Variants in SMG6 observed in about 807,000 individuals in gnomAD.
SMG6 encodes the protein telomerase-binding protein EST1A.
A neutral mutation model predicts 142.2 loss-of-function variants in SMG6; 66 were observed. The ratio of observed to expected loss-of-function variants is 0.46; its 90% CI spans 0.38 to 0.57. The LOEUF is 0.57. SMG6 is among the 20% of genes least tolerant of loss of function. The pLI is 0.00. For synonymous variants in SMG6, 779 were observed against 702.4 expected (o/e 1.11, Z -1.72); for missense variants, 1,793 against 1,832.0 (o/e 0.98, Z 0.39).
chr17:2,146,375 C>T (rs2070669678), intron 13 of SMG6, among the ~76,000 whole-genome samples: 1 of 152,136 alleles, frequency 6.6e-6, no homozygotes, highest in African/African-American at 2.4e-5. Context: ...AGGAGGCAAC[C>T]CCATACTGGG....
chr17:2,095,797 C>G (rs1421735874), intron 13 of SMG6, among the ~76,000 whole-genome samples: 2 of 152,130 alleles, frequency 1.3e-5, no homozygotes, highest in Non-Finnish European at 2.9e-5. Context: ...TTGGGCTTAG[C>G]CTTGCTATCA....
chr17:2,147,204 C>G (rs2070695931), intron 13 of SMG6, among the ~76,000 whole-genome samples: 1 of 151,944 alleles, frequency 6.6e-6, no homozygotes, highest in Non-Finnish European at 1.5e-5. Context: ...ACCAGCCTGG[C>G]CAACATGGTG....
At chr17:2,292,801 T>C (rs2075067579) in intron 5 of SMG6, 70 bp downstream of exon 5, 2 of 1,466,132 alleles carry the variant, frequency 1.4e-6, no homozygotes, top group East Asian at 4.5e-5. Flanking sequence ...CCACATGGCC[T>C]ACTGCTCTTA....
intron 8 of SMG6, among the ~76,000 whole-genome samples, chr17:2,281,844 C>T (rs529737482): frequency 2.0e-5 from 3 of 152,302 alleles, no homozygotes; most frequent in East Asian, 3.9e-4. Context: ...CTCTCTCCCC[C>T]AGCCAGCCTC....
intron 13 of SMG6, among the ~76,000 whole-genome samples, chr17:2,093,219 G>A: frequency 6.7e-6 from 1 of 150,164 alleles, no homozygotes; most frequent in East Asian, 1.9e-4. Context: ...GATAAGACAA[G>A]CCTGGGCAAC....
intron 6 of SMG6, 66 bp from the exon 7 acceptor site, chr17:2,283,801 G>A: frequency 7.8e-7 from 1 of 1,275,022 alleles, no homozygotes; most frequent in South Asian, 1.2e-5. Flanking sequence ...AGAGGCAGCT[G>A]ACTCAGGAAA....
At chr17:2,119,204 T>C (rs1222235490) in intron 13 of SMG6, among the ~76,000 whole-genome samples, 2 of 151,912 alleles carry the variant, frequency 1.3e-5, no homozygotes, top group East Asian at 3.9e-4. Flanking sequence ...ATTATAGGCA[T>C]GTGCCACCAC....
At chr17:2,244,917 A>G (rs1330225605) in intron 8 of SMG6, 198 bp from the exon 9 acceptor site, 3 of 587,568 alleles carry the variant, frequency 5.1e-6, no homozygotes, top group Admixed American at 2.9e-5. Context: ...AGCCAAGATG[A>G]CAACAGGCTC....
At chr17:2,073,212 T>C (rs2068156603) in intron 15 of SMG6, among the ~76,000 whole-genome samples, 1 of 151,934 alleles carries the variant, frequency 6.6e-6, no homozygotes, top group African/African-American at 2.4e-5. Flanking sequence ...GCCTCCCAAG[T>C]AGCTGGGATT....
At chr17:2,130,763 T>C (rs2151545963) in intron 13 of SMG6, among the ~76,000 whole-genome samples, 1 of 149,722 alleles carries the variant, frequency 6.7e-6, no homozygotes, top group South Asian at 2.1e-4. Flanking sequence ...AAAAAAAACA[T>C]CAAATAGGCC....
intron 13 of SMG6, chr17:2,122,489 C>T (rs2069734077): frequency 6.6e-6 from 1 of 152,224 alleles, no homozygotes; most frequent in South Asian, 2.1e-4. Flanking sequence ...CTTCAGCTTG[C>T]TGTGTCCTAA....
chr17:2,138,319 G>A (rs2151566288), intron 13 of SMG6, among the ~76,000 whole-genome samples: 1 of 152,266 alleles, frequency 6.6e-6, no homozygotes, highest in Non-Finnish European at 1.5e-5. Context: ...AAAGAAGCCT[G>A]TCCCCCATCT....
Position 2,173,085 on chromosome 17 carries a change from T to G in SMG6, c.3156-226A>C, listed in dbSNP as rs1375037166. On this transcript the variant is annotated intron_variant, in intron 12 of 18. Transcript: ENST00000263073. Reference sequence around the variant, plus strand: ...AAAGTTGAAATTGATTAGGGGGAGTTTTTAATCCTCACCAGAGAGGAAAAA... The same window carrying G: ...AAAGTTGAAATTGATTAGGGGGAGTGTTTAATCCTCACCAGAGAGGAAAAA... 3 of 556,578 alleles carry G rather than the reference T, an allele frequency of 5.4e-6. No individual in the cohort carries two copies. In the African/African-American group the frequency reaches 5.7e-5, roughly 11 times the overall value. The allele number at this position is 556,578 out of a possible 1,614,324, so 34.5% of individuals were successfully genotyped here.
intron 10 of SMG6, chr17:2,235,882 A>G (rs2073637173): frequency 6.6e-6 from 1 of 151,528 alleles, no homozygotes; most frequent in South Asian, 2.1e-4. Flanking sequence ...CACCCACCCG[A>G]CCCCCTATGA....
intron 4 of SMG6, among the ~76,000 whole-genome samples, chr17:2,296,025 T>C (rs1192339933): frequency 2.0e-5 from 3 of 152,100 alleles, no homozygotes; most frequent in African/African-American, 7.2e-5. Context: ...GACTCCTCTA[T>C]CTCCACTCTT....
chr17:2,300,727 A>AG (rs772305768), intron 1 of SMG6, 63 bp from the exon 2 acceptor site: 29 of 1,423,882 alleles, frequency 2.0e-5, no homozygotes, highest in Non-Finnish European at 2.5e-5. Context: ...GAAGGAAGAT[A>AG]GGGGAAAGAC....
At chr17:2,132,882 A>C (rs561169945) in intron 13 of SMG6, among the ~76,000 whole-genome samples, 18 of 152,296 alleles carry the variant, frequency 1.2e-4, no homozygotes, top group Non-Finnish European at 2.5e-4. Flanking sequence ...TCCCAGGCTC[A>C]AGCAATGTCC....
chr17:2,082,129 A>G, intron 14 of SMG6, 173 bp from the exon 15 acceptor site: 2 of 620,396 alleles, frequency 3.2e-6, no homozygotes, highest in East Asian at 5.5e-5. Context: ...AGGTTGACAA[A>G]AGCTGTCACT....
At chr17:2,072,202 G>T (rs2068122984) in intron 15 of SMG6, among the ~76,000 whole-genome samples, 1 of 152,108 alleles carries the variant, frequency 6.6e-6, no homozygotes, top group Admixed American at 6.5e-5. Flanking sequence ...GGTGCAACCG[G>T]AATGCTGTGG....
Sources: allele counts gnomAD v4.1 joint callset (sites outside exome capture counted in the v4.1 genomes callset), GRCh38; gene constraint gnomAD v4.1.1; transcripts MANE v1.5; gene names NCBI Gene and HGNC (gene_info 2026-07-23, HGNC 2026-07-21).